Variants in MSN observed in about 807,000 individuals in gnomAD.
MSN encodes moesin.
In MSN, 2 loss-of-function variants were observed where a neutral mutation model predicts 48.0. The ratio of observed to expected loss-of-function variants is 0.04; its 90% CI spans 0.02 to 0.13. MSN has a LOEUF of 0.13. Among genes scored for constraint, MSN ranks in the 10% least tolerant of loss-of-function variants. The probability of loss-of-function intolerance (pLI) is 1.00; values close to 1 mark genes in which losing one functional copy is unlikely to be tolerated. For synonymous variants in MSN, 146 were observed against 166.9 expected (o/e 0.87, Z 0.97); for missense variants, 267 against 470.1 (o/e 0.57, Z 3.99).
At chrX:65,673,119 C>A (rs930744634) in intron 1 of MSN, among the ~76,000 whole-genome samples, 9 of 111,254 alleles carry the variant, frequency 8.1e-5, no homozygotes, top group African/African-American at 2.6e-4. Context: ...AGGGCTGTGT[C>A]TTTCCTTACT....
At position 65,632,299 on chromosome X, in the gene MSN, C is replaced by T. The variant is rs2070564907; in HGVS notation, c.-22+43687C>T. Among the ~76,000 whole-genome samples the T allele has an allele frequency of 4.5e-5, 5 of 111,814 alleles. No homozygotes were observed. The South Asian group carries it at 1.8e-3, about 41-fold the overall frequency. On this transcript the variant is annotated intron_variant, in intron 1 of 3. Coordinates refer to the MSN transcript ENST00000609672. Reference sequence around the variant, plus strand: ...TCTTCCTTACCCTTTATTTGCTCTTCTGCCATGGGATGATGCAGCAAGAAG... The same window carrying T: ...TCTTCCTTACCCTTTATTTGCTCTTTTGCCATGGGATGATGCAGCAAGAAG...
chrX:65,620,095 C>CG (rs1395629570), intron 1 of MSN, among the ~76,000 whole-genome samples: 1 of 112,205 alleles, frequency 8.9e-6, no homozygotes, highest in African/African-American at 3.2e-5. Context: ...GCTGGGAGAA[C>CG]CACTGCTCTC....
intron 1 of MSN, among the ~76,000 whole-genome samples, chrX:65,617,517 A>C (rs1198111581): frequency 1.9e-5 from 2 of 106,567 alleles, no homozygotes; most frequent in Non-Finnish European, 3.8e-5. Flanking sequence ...GTATTCCCTG[A>C]TGGTAGTTTG....
chrX:65,657,680 G>A (rs1431567066), intron 1 of MSN, among the ~76,000 whole-genome samples: 2 of 111,509 alleles, frequency 1.8e-5, no homozygotes, highest in Non-Finnish European at 1.9e-5. Context: ...CTGGCAAAAC[G>A]CCTTATCAGC....
rs1051466596 is a variant in MSN at position 65,638,466 on chromosome X, T to C, written c.-22+49854T>C. 3.5e-5 allele frequency among the ~76,000 whole-genome samples: 4 copies of C among 112,932 alleles called. No homozygotes were observed. In the East Asian group the frequency reaches 1.1e-3, roughly 31 times the overall value. On this transcript the variant is annotated intron_variant, in intron 1 of 3. Coordinates refer to the MSN transcript ENST00000609672. ...GTAAGTACCTTGAAGGACTAGGAATTATTGATGGTGGCATCTGCGGTTCCT... is the reference window on the plus strand; with the variant it reads ...GTAAGTACCTTGAAGGACTAGGAATCATTGATGGTGGCATCTGCGGTTCCT...
intron 1 of MSN, among the ~76,000 whole-genome samples, chrX:65,630,124 A>G (rs1245960705): frequency 1.8e-5 from 2 of 110,068 alleles, no homozygotes; most frequent in African/African-American, 6.6e-5. Flanking sequence ...GGCTGCAGTG[A>G]GCCAAGATTG....
intron 1 of MSN, among the ~76,000 whole-genome samples, chrX:65,641,851 T>C (rs1366807964): frequency 9.2e-6 from 1 of 108,691 alleles, no homozygotes; most frequent in South Asian, 3.9e-4. Flanking sequence ...CAACTCAGTG[T>C]TGGCCGGGCG....
chrX:65,594,690 A>T (rs1479233814), intron 1 of MSN, among the ~76,000 whole-genome samples: 1 of 111,394 alleles, frequency 9.0e-6, no homozygotes, highest in Admixed American at 9.6e-5. Flanking sequence ...TGAAAACTTG[A>T]CCTGGTTTCT....
chrX:65,712,546 A>T (rs1212682448), intron 1 of MSN, among the ~76,000 whole-genome samples: 1 of 97,315 alleles, frequency 1.0e-5, no homozygotes, highest in African/African-American at 3.7e-5. Context: ...TGTAGATTAG[A>T]TTTTTTTTTT....
intron 1 of MSN, among the ~76,000 whole-genome samples, chrX:65,604,296 C>T (rs920851573): frequency 1.8e-5 from 2 of 111,794 alleles, no homozygotes; most frequent in Admixed American, 1.9e-4. Flanking sequence ...TTGTGGTGCA[C>T]GTGGGATGTC....
chrX:65,727,726 T>C, intron 2 of MSN, 88 bp from the exon 3 acceptor site: 1 of 752,500 alleles, frequency 1.3e-6, no homozygotes, highest in Non-Finnish European at 2.0e-6. Flanking sequence ...AGGGCAGATA[T>C]AATATTGACT....
intron 1 of MSN, among the ~76,000 whole-genome samples, chrX:65,629,197 A>G: frequency 9.0e-6 from 1 of 111,685 alleles, no homozygotes; most frequent in Non-Finnish European, 1.9e-5. Flanking sequence ...ACAAATCTCT[A>G]GGGCAGGGGC....
chrX:65,649,247 T>TTA (rs1268575380), intron 1 of MSN, among the ~76,000 whole-genome samples: 1 of 93,062 alleles, frequency 1.1e-5, no homozygotes, highest in Non-Finnish European at 2.0e-5. Flanking sequence ...TTAAAAAAAT[T>TTA]TATATATATA....
At chrX:65,688,674 T>C (rs953305632) in intron 1 of MSN, among the ~76,000 whole-genome samples, 5 of 111,911 alleles carry the variant, frequency 4.5e-5, no homozygotes, top group African/African-American at 1.6e-4. Flanking sequence ...CTCTTTTCAG[T>C]CTCTCTTCTA....
chrX:65,703,329 C>G (rs1407243747), intron 1 of MSN, among the ~76,000 whole-genome samples: 2 of 110,654 alleles, frequency 1.8e-5, no homozygotes, highest in African/African-American at 6.6e-5. Flanking sequence ...TCCCAATAAC[C>G]CTGTACTGAG....
chrX:65,699,520 C>T (rs936120831), intron 1 of MSN, among the ~76,000 whole-genome samples: 3 of 111,010 alleles, frequency 2.7e-5, no homozygotes, highest in African/African-American at 6.6e-5. Context: ...GAGGCCGAGG[C>T]GGGTGGATCA....
chrX:65,677,521 G>T (rs1249649636), intron 1 of MSN, among the ~76,000 whole-genome samples: 2 of 112,107 alleles, frequency 1.8e-5, no homozygotes, highest in African/African-American at 6.5e-5. Context: ...ACTTTGAGAG[G>T]CTGAGGCAGG....
intron 1 of MSN, among the ~76,000 whole-genome samples, chrX:65,623,368 C>CTTTTTTTTTTTTTTTTTTTTTT (rs773663630): frequency 2.0e-4 from 15 of 74,091 alleles, no homozygotes; most frequent in East Asian, 4.3e-4. Flanking sequence ...TCTTTCTTTT[C>CTTTTTTTTTTTTTTTTTTTTTT]TTTTTTTTTT....
chrX:65,653,207 C>T (rs956920583), intron 1 of MSN, among the ~76,000 whole-genome samples: 13 of 111,215 alleles, frequency 1.2e-4, no homozygotes, highest in African/African-American at 2.9e-4. Flanking sequence ...TTGCCAACAC[C>T]ACATTCTCTG....
Sources: gnomAD v4.1 joint callset for allele counts (sites outside exome capture counted in the v4.1 genomes callset) on GRCh38, gnomAD v4.1.1 for gene constraint, MANE v1.5 for transcripts, NCBI Gene and HGNC (gene_info 2026-07-23, HGNC 2026-07-21) for gene names.